The following NKAIN3 variants were observed in gnomAD, a reference collection of about 807,000 sequenced individuals.
NKAIN3 encodes sodium/potassium transporting ATPase interacting 3.
In NKAIN3, 25 loss-of-function variants were observed where a neutral mutation model predicts 30.2. The ratio of observed to expected loss-of-function variants is 0.83; its 90% CI spans 0.60 to 1.16. The LOEUF (loss-of-function observed/expected upper bound fraction) is 1.16. Ranked by LOEUF, NKAIN3 falls within the 50% of genes most tolerant of loss-of-function variation. The probability of loss-of-function intolerance (pLI) is 0.00; values close to 1 mark genes in which losing one functional copy is unlikely to be tolerated. For synonymous variants in NKAIN3, 91 were observed against 89.6 expected, an observed-to-expected ratio of 1.02 and a Z score of -0.09; for missense variants, 225 against 254.1, an observed-to-expected ratio of 0.89 and a Z score of 0.78.
intron 1 of NKAIN3, among the ~76,000 whole-genome samples, chr8:62,326,562 TATTA>T (rs1815141798): frequency 1.3e-5 from 2 of 151,658 alleles, no homozygotes; most frequent in South Asian, 2.1e-4. Flanking sequence ...ATTTAATAAT[TATTA>T]ATTATTAAAA....
chr8:62,282,006 T>A lies in NKAIN3; in HGVS notation c.54+32879T>A, dbSNP rs75795704. Among the ~76,000 whole-genome samples the A allele has an allele frequency of 2.8e-3, 404 of 145,422 alleles. 4 individuals carry two copies. The highest frequency in any genetic ancestry group is 8.9e-3 in the African/African-American group (353 of 39,688). On this transcript the variant is annotated intron_variant, in intron 1 of 6. Transcript: ENST00000623646. ...TCCCTCAAGTTATCTTTTTTTTTTT[T>A]AATTTTCTCCATGTTTTATTTTCCT...
intron 3 of NKAIN3, among the ~76,000 whole-genome samples, chr8:62,610,591 A>G (rs1474010741): frequency 6.6e-6 from 1 of 152,164 alleles, no homozygotes; most frequent in East Asian, 1.9e-4. Context: ...ATTACATCAG[A>G]GAAAACTGAT....
At chr8:62,267,137 T>G (rs371636571) in intron 1 of NKAIN3, among the ~76,000 whole-genome samples, 1 of 152,236 alleles carries the variant, frequency 6.6e-6, no homozygotes, top group African/African-American at 2.4e-5. Flanking sequence ...CATGTTTGCA[T>G]GATATCATAT....
rs571548572 is a variant in NKAIN3, at chr8:62,455,024, G to A, written c.55-124515G>A. ...CTCTCATGTCTTGAGATGCACCATT[G>A]GCTAATTCTTCATGCTCAGGAAAAT... is the stretch of plus-strand genomic sequence containing the variant. On this transcript the variant is annotated intron_variant, in intron 1 of 6. Coordinates refer to ENST00000623646, the MANE Select transcript of NKAIN3 (RefSeq NM_001304533.3). Among the ~76,000 whole-genome samples, 23 of 152,254 alleles carry A rather than the reference G, an allele frequency of 1.5e-4. No individual in the cohort carries two copies. The South Asian group carries it at 4.6e-3, about 30-fold the overall frequency.
chr8:62,843,767 A>T (rs1469025084), intron 4 of NKAIN3, among the ~76,000 whole-genome samples: 4 of 152,118 alleles, frequency 2.6e-5, no homozygotes, highest in Non-Finnish European at 5.9e-5. Context: ...ATAGGGAACT[A>T]ATAGAGTGCT....
At position 62,530,146 on chromosome 8, in the gene NKAIN3, G is replaced by A. The variant is rs144857363; in HGVS notation, c.55-49393G>A. ...GTTAGGAGCCAAGCAGTCAACTAAGGAGGGGGATGATTAGATTCCTGGAAG... is the reference window on the plus strand; with the variant it reads ...GTTAGGAGCCAAGCAGTCAACTAAGAAGGGGGATGATTAGATTCCTGGAAG... On this transcript the variant is annotated intron_variant, in intron 1 of 6. Coordinates refer to ENST00000623646, the MANE Select transcript of NKAIN3 (RefSeq NM_001304533.3). Among the ~76,000 whole-genome samples, 118 of 152,300 alleles carry A rather than the reference G, an allele frequency of 7.7e-4. 2 individuals carry two copies. Among genetic ancestry groups the A allele is most frequent in the Admixed American group, 2.5e-3 (38 of 15,300 alleles).
chr8:62,946,053 C>A (rs1384368915), intron 5 of NKAIN3, among the ~76,000 whole-genome samples: 2 of 152,192 alleles, frequency 1.3e-5, no homozygotes. Flanking sequence ...TAACATTGAG[C>A]ATTTCATTGG....
intron 1 of NKAIN3, among the ~76,000 whole-genome samples, chr8:62,250,973 G>T (rs796769806): frequency 3.9e-5 from 6 of 152,144 alleles, no homozygotes; most frequent in African/African-American, 1.4e-4. Context: ...CCACTAGATT[G>T]TAAGCAACTT....
At chr8:62,483,705 C>T in intron 1 of NKAIN3, 2 of 302,018 alleles carry the variant, frequency 6.6e-6, no homozygotes, top group South Asian at 3.9e-5. Context: ...TAAGCCCTTG[C>T]CGAGTCAATA....
At chr8:62,466,833 A>G (rs1406599449) in intron 1 of NKAIN3, among the ~76,000 whole-genome samples, 1 of 152,152 alleles carries the variant, frequency 6.6e-6, no homozygotes, top group African/African-American at 2.4e-5. Context: ...TGTTATTAGC[A>G]ATCACTCATA....
At chr8:62,950,237 T>TAC (rs1181873125) in intron 5 of NKAIN3, among the ~76,000 whole-genome samples, 1 of 152,216 alleles carries the variant, frequency 6.6e-6, no homozygotes, top group Non-Finnish European at 1.5e-5. Context: ...GCTTTAAGAA[T>TAC]CTGTAAACTC....
At chr8:62,872,697 C>A (rs921390433) in intron 4 of NKAIN3, among the ~76,000 whole-genome samples, 2 of 152,124 alleles carry the variant, frequency 1.3e-5, no homozygotes, top group African/African-American at 4.8e-5. Flanking sequence ...GTGAGTAAGT[C>A]CACATATGCC....
At chr8:62,665,403 C>T (rs112299956) in intron 3 of NKAIN3, among the ~76,000 whole-genome samples, 256 of 152,172 alleles carry the variant, frequency 1.7e-3, no homozygotes, top group Non-Finnish European at 1.5e-3. Context: ...GAGCCCCTTA[C>T]TGTACATGCC....
chr8:62,527,210 C>T (rs879813345), intron 1 of NKAIN3, among the ~76,000 whole-genome samples: 10 of 152,162 alleles, frequency 6.6e-5, no homozygotes, highest in Non-Finnish European at 1.0e-4. Context: ...CTCAGCCAAA[C>T]GACTCAACAT....
At chr8:62,255,351 G>C (rs1812232661) in intron 1 of NKAIN3, among the ~76,000 whole-genome samples, 1 of 152,176 alleles carries the variant, frequency 6.6e-6, no homozygotes, top group African/African-American at 2.4e-5. Flanking sequence ...GGTGCCACAT[G>C]AAGACTGAGG....
chr8:62,555,636 G>A (rs900789055), intron 1 of NKAIN3, among the ~76,000 whole-genome samples: 12 of 151,990 alleles, frequency 7.9e-5, no homozygotes, highest in African/African-American at 2.9e-4. Context: ...AAAAGACAGA[G>A]ATATACTAGG....
chr8:62,480,515 G>T (rs1008643464), intron 1 of NKAIN3, among the ~76,000 whole-genome samples: 3 of 139,124 alleles, frequency 2.2e-5, no homozygotes, highest in African/African-American at 5.4e-5. Flanking sequence ...TAGTTAGGAA[G>T]GAAGCAATGT....
intron 1 of NKAIN3, among the ~76,000 whole-genome samples, chr8:62,321,170 GT>G (rs1434086091): frequency 6.6e-6 from 1 of 152,138 alleles, no homozygotes; most frequent in Non-Finnish European, 1.5e-5. Flanking sequence ...TCATGCCATG[GT>G]TTCAAGCTCC....
intron 4 of NKAIN3, among the ~76,000 whole-genome samples, chr8:62,807,175 C>T (rs992307667): frequency 8.5e-5 from 13 of 152,186 alleles, no homozygotes; most frequent in South Asian, 2.1e-4. Flanking sequence ...GTATTTCAAG[C>T]GAATAGAAAA....
Sources: gnomAD v4.1 joint callset for allele counts (sites outside exome capture counted in the v4.1 genomes callset) on GRCh38, gnomAD v4.1.1 for gene constraint, MANE v1.5 for transcripts, NCBI Gene and HGNC (gene_info 2026-07-23, HGNC 2026-07-21) for gene names.